APBA1: variants seen among roughly 807,000 people sequenced by gnomAD.
APBA1 encodes amyloid beta precursor protein binding family A member 1, also known as amyloid-beta A4 precursor protein-binding family A member 1.
APBA1 carries 55 observed loss-of-function variants against 86.6 expected under a neutral mutation model. The ratio of observed to expected loss-of-function variants is 0.64; its 90% confidence interval spans 0.51 to 0.80. The LOEUF (loss-of-function observed/expected upper bound fraction) is 0.80. Ranked by LOEUF, APBA1 falls within the 30% of genes least tolerant of loss-of-function variation. The pLI is 0.00. For missense variants in APBA1, 1,090 were observed against 1,183.0 expected (o/e 0.92, Z 1.15); for synonymous variants, 511 against 493.9 (o/e 1.03, Z -0.46).
At chr9:69,477,113 C>A (rs114025313) in intron 2 of APBA1, among the ~76,000 whole-genome samples, 2,052 of 152,210 alleles carry the variant, frequency 0.013, 62 homozygotes, top group African/African-American at 0.047. Flanking sequence ...CAGGGGGCGG[C>A]GGAGCCAAGA....
At position 69,646,061 on chromosome 9, in the gene APBA1, T is replaced by C. The variant is rs1823384958; in HGVS notation, c.-70+26092A>G. 4.6e-5 allele frequency among the ~76,000 whole-genome samples: 7 copies of C among 152,330 alleles called. No individual in the cohort carries two copies. In the South Asian group the frequency reaches 1.4e-3, roughly 32 times the overall value. ...CCAGTTGAAAGTAAGTCCTGTGACA[T>C]ATAAGCAAAATGAAAATAGGAAAAG... On this transcript the variant is annotated intron_variant, in intron 1 of 12. Coordinates refer to ENST00000265381, the MANE Select transcript of APBA1 (RefSeq NM_001163.4).
intron 12 of APBA1, 64 bp from the exon 13 acceptor site, chr9:69,431,462 C>A: frequency 7.0e-7 from 1 of 1,425,870 alleles, no homozygotes; most frequent in South Asian, 1.2e-5. Flanking sequence ...TGGGCACTGC[C>A]CAGGGCTGGC....
chr9:69,534,006 A>C (rs1836470576), intron 1 of APBA1, among the ~76,000 whole-genome samples: 1 of 152,208 alleles, frequency 6.6e-6, no homozygotes, highest in Admixed American at 6.5e-5. Flanking sequence ...TTATAGAAGA[A>C]AGATCTACTA....
chr9:69,592,289 G>A (rs1822145892), intron 1 of APBA1, among the ~76,000 whole-genome samples: 1 of 152,148 alleles, frequency 6.6e-6, no homozygotes, highest in Non-Finnish European at 1.5e-5. Flanking sequence ...CATGGTTTCT[G>A]TACCAAAGGA....
chr9:69,471,766 G>A (rs1416710444), intron 3 of APBA1, 71 bp from the exon 4 acceptor site: 14 of 1,244,560 alleles, frequency 1.1e-5, no homozygotes, highest in Non-Finnish European at 1.6e-5. Flanking sequence ...AATCATCCAT[G>A]CAACATGAAA....
intron 1 of APBA1, among the ~76,000 whole-genome samples, chr9:69,591,024 C>G (rs1822118064): frequency 1.3e-5 from 2 of 152,178 alleles, no homozygotes; most frequent in Admixed American, 6.5e-5. Flanking sequence ...CAAGAGGTCC[C>G]CCGTACCATG....
intron 2 of APBA1, among the ~76,000 whole-genome samples, chr9:69,484,658 C>T (rs750843012): frequency 8.5e-5 from 13 of 152,142 alleles, no homozygotes; most frequent in Non-Finnish European, 1.9e-4. Flanking sequence ...ACGTGCCATG[C>T]TGTGTAATCA....
chr9:69,669,655 G>C (rs1297644024), intron 1 of APBA1, among the ~76,000 whole-genome samples: 1 of 152,184 alleles, frequency 6.6e-6, no homozygotes, highest in African/African-American at 2.4e-5. Context: ...TGTGCCTATT[G>C]TCCCAGCTAC....
chr9:69,443,830 G>GA (rs1215670117), intron 10 of APBA1, among the ~76,000 whole-genome samples: 1 of 152,182 alleles, frequency 6.6e-6, no homozygotes, highest in African/African-American at 2.4e-5. Context: ...CACAACCAGA[G>GA]AGGGTGTGTC....
intron 11 of APBA1, among the ~76,000 whole-genome samples, chr9:69,434,351 C>T (rs1834659239): frequency 6.6e-6 from 1 of 152,106 alleles, no homozygotes; most frequent in South Asian, 2.1e-4. Context: ...AGAGAGGGAG[C>T]TGAGCCTCCT....
intron 1 of APBA1, among the ~76,000 whole-genome samples, chr9:69,671,668 C>T (rs776371440): frequency 1.1e-4 from 17 of 152,266 alleles, no homozygotes; most frequent in Non-Finnish European, 2.9e-5. Flanking sequence ...TATCCCACTG[C>T]CTCCCTCCAC....
At chr9:69,557,580 G>A (rs1337797987) in intron 1 of APBA1, among the ~76,000 whole-genome samples, 2 of 152,066 alleles carry the variant, frequency 1.3e-5, no homozygotes, top group Non-Finnish European at 2.9e-5. Flanking sequence ...TCCCTTCTTT[G>A]AACACAGATA....
chr9:69,559,307 T>A (rs1836913193), intron 1 of APBA1, among the ~76,000 whole-genome samples: 1 of 152,224 alleles, frequency 6.6e-6, no homozygotes, highest in Non-Finnish European at 1.5e-5. Context: ...AGGGTTTGGC[T>A]CAATGAATCT....
At chr9:69,466,243 G>C (rs1337904605) in intron 5 of APBA1, among the ~76,000 whole-genome samples, 1 of 152,160 alleles carries the variant, frequency 6.6e-6, no homozygotes, top group East Asian at 1.9e-4. Flanking sequence ...GAGGGACGTG[G>C]GGCCATTCAC....
At position 69,456,284 on chromosome 9, in the gene APBA1, T is replaced by C. The variant is rs1835094686; in HGVS notation, c.1751A>G (p.Gln584Arg). ...GAAGACGTGGCAGATCATCTTGTAC[T>C]GCCTTTTCCCATCCTGGGATGGGTG... ...ASHPSQDGKR[Q>R]YKMICHVFES... The change falls in exon 8 of 13, where the codon CAG becomes CGG. Residue 584 changes from glutamine (Q) to arginine (R), a missense_variant. Around this residue, in one of 6 missense-constraint regions of APBA1, gnomAD observed 103 missense variants for 91.9 expected, o/e 1.12. Coordinates refer to ENST00000265381, the MANE Select transcript of APBA1 (RefSeq NM_001163.4). 1.2e-6 allele frequency: 2 copies of C among 1,614,230 alleles called. No homozygotes were observed. The highest frequency in any genetic ancestry group is 1.3e-5 in the African/African-American group (1 of 75,054).
chr9:69,540,351 C>A (rs1225154334), intron 1 of APBA1, among the ~76,000 whole-genome samples: 2 of 152,042 alleles, frequency 1.3e-5, no homozygotes, highest in East Asian at 3.9e-4. Context: ...GTGCTCAGTA[C>A]ATTTTTTTTT....
chr9:69,655,006 T>A (rs1338298754), intron 1 of APBA1, among the ~76,000 whole-genome samples: 1 of 152,180 alleles, frequency 6.6e-6, no homozygotes, highest in Non-Finnish European at 1.5e-5. Flanking sequence ...AAATGTAACA[T>A]CCTTGATGAT....
chr9:69,629,471 A>G (rs1287810057), intron 1 of APBA1, among the ~76,000 whole-genome samples: 1 of 152,224 alleles, frequency 6.6e-6, no homozygotes, highest in Non-Finnish European at 1.5e-5. Flanking sequence ...CATAATATCT[A>G]TGAAATGATG....
At chr9:69,597,260 T>A (rs570074789) in intron 1 of APBA1, among the ~76,000 whole-genome samples, 4 of 152,228 alleles carry the variant, frequency 2.6e-5, no homozygotes, top group Non-Finnish European at 5.9e-5. Context: ...ATTTCTCTGA[T>A]GGCCAGTGAT....
Sources: allele counts gnomAD v4.1 joint callset (sites outside exome capture counted in the v4.1 genomes callset), GRCh38; gene constraint gnomAD v4.1.1; regional missense constraint gnomAD v4.1.1; transcripts MANE v1.5; gene names NCBI Gene and HGNC (gene_info 2026-07-23, HGNC 2026-07-21).